Variants in CBLB observed in about 807,000 individuals in gnomAD.
CBLB encodes the protein Cbl proto-oncogene B, also known as E3 ubiquitin-protein ligase CBL-B.
In CBLB, 31 loss-of-function variants were observed where a neutral mutation model predicts 104.9. The observed-to-expected ratio is 0.30, with a 90% CI of 0.22 to 0.40. The LOEUF is 0.40. CBLB is among the 10% of genes least tolerant of loss of function. The pLI is 1.00. For synonymous variants in CBLB, 440 were observed against 422.6 expected, an observed-to-expected ratio of 1.04 and a Z score of -0.51; for missense variants, 1,062 against 1,214.6, an observed-to-expected ratio of 0.87 and a Z score of 1.87.
chr3:105,767,326 C>T (rs565485908), intron 4 of CBLB, among the ~76,000 whole-genome samples: 54 of 152,088 alleles, frequency 3.6e-4, no homozygotes, highest in Admixed American at 1.3e-3. Flanking sequence ...ATATATCTCA[C>T]TCGCTGGAAA....
At chr3:105,685,237 G>A (rs777263587) in intron 14 of CBLB, 83 bp downstream of exon 14, 18 of 1,174,272 alleles carry the variant, frequency 1.5e-5, no homozygotes, top group South Asian at 4.9e-5. Flanking sequence ...TTAATTAGAC[G>A]TGAATCAATT....
chr3:105,677,394 A>T (rs2065788418), intron 17 of CBLB, among the ~76,000 whole-genome samples: 1 of 151,896 alleles, frequency 6.6e-6, no homozygotes, highest in African/African-American at 2.4e-5. Flanking sequence ...GGTAGACATG[A>T]CTAATAATCA....
intron 3 of CBLB, among the ~76,000 whole-genome samples, chr3:105,810,541 A>G (rs983259430): frequency 1.3e-5 from 2 of 152,166 alleles, no homozygotes; most frequent in Non-Finnish European, 2.9e-5. Context: ...GCTAAACTTC[A>G]TAAGACTTTA....
At chr3:105,778,786 T>C (rs1343018946) in intron 3 of CBLB, among the ~76,000 whole-genome samples, 1 of 152,180 alleles carries the variant, frequency 6.6e-6, no homozygotes, top group Non-Finnish European at 1.5e-5. Context: ...AGTTGAATCT[T>C]TGATATCAAT....
At chr3:105,667,076 T>G (rs1475350040) in intron 18 of CBLB, among the ~76,000 whole-genome samples, 1 of 152,252 alleles carries the variant, frequency 6.6e-6, no homozygotes, top group African/African-American at 2.4e-5. Flanking sequence ...TCCTTTAAGC[T>G]AGTAAACTAA....
chr3:105,831,274 T>C (rs1347428281), intron 3 of CBLB, among the ~76,000 whole-genome samples: 1 of 152,218 alleles, frequency 6.6e-6, no homozygotes, highest in Non-Finnish European at 1.5e-5. Context: ...CTCCCATTCC[T>C]TTAAAATATC....
chr3:105,814,818 T>C (rs1382401949), intron 3 of CBLB, among the ~76,000 whole-genome samples: 1 of 152,054 alleles, frequency 6.6e-6, no homozygotes, highest in Admixed American at 6.6e-5. Context: ...ATCCCTCATG[T>C]CCAATGAATA....
rs765908020 is a variant in CBLB, at chr3:105,776,448, G to A, written c.514C>T (p.Arg172Cys). ...TCAGCAGCATCTGCTTTTGTGATAC[G>A]AAAGTTATCTCCCTGGAATTGACCA... ...PNGQFQGDNF[R>C]ITKADAAEFW... Residue 172 changes from arginine (R) to cysteine (C), a missense_variant, in exon 4 of 19, where the codon CGT becomes TGT. Physicochemically the swap from Arg to Cys is radical, Grantham distance 180. This residue lies in a region of CBLB where 457 missense variants were observed against 632.0 expected (regional missense o/e 0.72). Transcript: ENST00000394030. 2.5e-6 allele frequency: 4 copies of A among 1,613,620 alleles called. No homozygotes were observed. Among genetic ancestry groups the A allele is most frequent in the South Asian group, 1.1e-5 (1 of 91,082 alleles).
intron 7 of CBLB, 109 bp downstream of exon 7, chr3:105,740,385 G>C: frequency 9.2e-7 from 1 of 1,083,440 alleles, no homozygotes; most frequent in Non-Finnish European, 1.4e-6. Context: ...TTATTTCTCA[G>C]TCTTAACATA....
At chr3:105,727,438 T>C (rs2073808229) in intron 9 of CBLB, among the ~76,000 whole-genome samples, 1 of 152,214 alleles carries the variant, frequency 6.6e-6, no homozygotes, top group Admixed American at 6.5e-5. Context: ...TTGTAGATTA[T>C]GGATGTTAGC....
In CBLB at chr3:105,732,492, A is replaced by G. The variant is rs559104838; in HGVS notation, c.1203+1517T>C. 9.4e-4 allele frequency among the ~76,000 whole-genome samples: 143 copies of G among 152,332 alleles called. 1 individual carries two copies. The highest frequency in any genetic ancestry group is 3.4e-3 in the African/African-American group (142 of 41,574). ...AAAACAAAATATAAGCCAAATGCAT[A>G]TGAAGAAGAGAAGTATAGGGATTTT... On this transcript the variant is annotated intron_variant, in intron 9 of 18. Coordinates refer to ENST00000394030, the MANE Select transcript of CBLB (RefSeq NM_170662.5).
At chr3:105,854,583 C>T (rs1005584254) in intron 2 of CBLB, among the ~76,000 whole-genome samples, 1 of 146,568 alleles carries the variant, frequency 6.8e-6, no homozygotes, top group Non-Finnish European at 1.5e-5. Context: ...TCTTCTAAGG[C>T]CCTCGTTGTA....
At chr3:105,793,133 AG>A (rs1271810007) in intron 3 of CBLB, among the ~76,000 whole-genome samples, 2 of 152,150 alleles carry the variant, frequency 1.3e-5, no homozygotes, top group Admixed American at 1.3e-4. Context: ...TCTAATCAAA[AG>A]AGAAAGATCT....
chr3:105,716,972 T>C (rs1019928777), intron 10 of CBLB, among the ~76,000 whole-genome samples: 1 of 152,098 alleles, frequency 6.6e-6, no homozygotes, highest in African/African-American at 2.4e-5. Flanking sequence ...GAGCGGGTGA[T>C]AAGATCAAGG....
intron 3 of CBLB, among the ~76,000 whole-genome samples, chr3:105,838,840 A>T (rs1050776135): frequency 2.0e-5 from 3 of 152,040 alleles, no homozygotes; most frequent in African/African-American, 7.3e-5. Context: ...GGGTTTCACC[A>T]TGTTGGCCAG....
In CBLB at chr3:105,702,198, T is replaced by C. The variant is rs1441376107; in HGVS notation, c.1855A>G (p.Ile619Val). 6.2e-7 allele frequency: 1 copy of C among 1,614,160 alleles called. No homozygotes were observed. Among genetic ancestry groups the C allele is most frequent in the Non-Finnish European group, 8.5e-7 (1 of 1,180,020 alleles). Residue 619 changes from isoleucine to valine, a missense_variant, in exon 12 of 19, where the codon ATC becomes GTC. This residue lies in a region of CBLB where 605 missense variants were observed against 582.6 expected (regional missense o/e 1.04). Coordinates refer to ENST00000394030, the MANE Select transcript of CBLB (RefSeq NM_170662.5). ...CCATTGACATTTGAACTCGCTGTGA[T>C]TCCAGGTTTTGGAGAGCCCTCCCCT... ...LLGEGSPKPGITASSNVNGRH... is the reference protein window; with the variant it reads ...LLGEGSPKPGVTASSNVNGRH...
At chr3:105,772,613 T>A (rs764857299) in intron 4 of CBLB, among the ~76,000 whole-genome samples, 1 of 152,152 alleles carries the variant, frequency 6.6e-6, no homozygotes, top group Non-Finnish European at 1.5e-5. Context: ...TTGCAAACTA[T>A]GCTTCTGACA....
At chr3:105,786,898 A>T (rs1376429995) in intron 3 of CBLB, among the ~76,000 whole-genome samples, 2 of 152,178 alleles carry the variant, frequency 1.3e-5, no homozygotes, top group African/African-American at 4.8e-5. Flanking sequence ...ACCCAACCAG[A>T]TGATTCAATT....
intron 3 of CBLB, among the ~76,000 whole-genome samples, chr3:105,831,778 T>C (rs907933973): frequency 1.3e-5 from 2 of 152,164 alleles, no homozygotes; most frequent in African/African-American, 4.8e-5. Context: ...AGAAAAACTT[T>C]TCAGGAAGGC....
Sources: allele counts gnomAD v4.1 joint callset (sites outside exome capture counted in the v4.1 genomes callset), GRCh38; gene constraint gnomAD v4.1.1; regional missense constraint gnomAD v4.1.1; transcripts MANE v1.5; gene names NCBI Gene and HGNC (gene_info 2026-07-23, HGNC 2026-07-21).